Variants in CFAP20DC observed in about 807,000 individuals in gnomAD.
CFAP20DC encodes the protein protein CFAP20DC.
A neutral mutation model predicts 101.7 loss-of-function variants in CFAP20DC; 84 were observed. The ratio of observed to expected loss-of-function variants is 0.83; its 90% CI spans 0.69 to 0.99. The LOEUF is 0.99. Among genes scored for constraint, CFAP20DC ranks in the 50% least tolerant of loss-of-function variants. The probability of loss-of-function intolerance (pLI) is 0.00; values close to 1 mark genes in which losing one functional copy is unlikely to be tolerated. For missense variants in CFAP20DC, 1,007 were observed against 970.3 expected (o/e 1.04, Z -0.50); for synonymous variants, 359 against 351.2 (o/e 1.02, Z -0.25).
At chr3:58,960,396 G>A (rs546219286) in intron 4 of CFAP20DC, among the ~76,000 whole-genome samples, 135 of 151,756 alleles carry the variant, frequency 8.9e-4, no homozygotes, top group African/African-American at 3.2e-3. Flanking sequence ...GGAGGCTGAG[G>A]CAGAAGAATC....
chr3:58,782,602 A>G (rs2071939152), intron 15 of CFAP20DC, among the ~76,000 whole-genome samples: 1 of 152,124 alleles, frequency 6.6e-6, no homozygotes, highest in Non-Finnish European at 1.5e-5. Flanking sequence ...GTCAACATAC[A>G]AATATTAGTA....
intron 6 of CFAP20DC, among the ~76,000 whole-genome samples, chr3:58,910,006 T>C (rs2083986737): frequency 6.6e-6 from 1 of 152,160 alleles, no homozygotes; most frequent in African/African-American, 2.4e-5. Flanking sequence ...ATTCCTGTGC[T>C]AGTTAGCTGA....
intron 13 of CFAP20DC, among the ~76,000 whole-genome samples, chr3:58,838,399 C>G (rs2076883216): frequency 6.6e-6 from 1 of 152,120 alleles, no homozygotes; most frequent in African/African-American, 2.4e-5. Context: ...GCATGCGACC[C>G]TGAAGACATT....
At chr3:58,745,658 TTACTATTAGGGATGA>T (rs2107169884) in intron 16 of CFAP20DC, among the ~76,000 whole-genome samples, 1 of 152,314 alleles carries the variant, frequency 6.6e-6, no homozygotes, top group East Asian at 1.9e-4. Flanking sequence ...TAAATGATAG[TTACTATTAGGGATGA>T]TAATATAATA....
chr3:58,986,733 G>A lies in CFAP20DC; in HGVS notation c.279-48971C>T, dbSNP rs549929792. Among the ~76,000 whole-genome samples, 97 of 152,054 alleles carry A rather than the reference G, an allele frequency of 6.4e-4. 2 individuals carry two copies. In the South Asian group the frequency reaches 0.019, roughly 30 times the overall value. On this transcript the variant is annotated intron_variant, in intron 4 of 16. Coordinates refer to ENST00000482387, the MANE Select transcript of CFAP20DC (RefSeq NM_001394063.1). ...GTTCTATGTCAGTAAAAGCCTTGAC[G>A]TACCCTTTGAATAAAATGCAAAGCT...
intron 15 of CFAP20DC, chr3:58,794,297 G>A: frequency 2.2e-6 from 1 of 451,420 alleles, no homozygotes; most frequent in Non-Finnish European, 4.5e-6. Context: ...AATTGCATCT[G>A]ATTTGTCTTA....
chr3:58,914,439 C>A lies in CFAP20DC; in HGVS notation c.394-575G>T, dbSNP rs186083564. On this transcript the variant is annotated intron_variant, in intron 5 of 16. Transcript: ENST00000482387. The surrounding 1 kb of genome is among the most constrained non-coding windows in gnomAD (Gnocchi z 4.9). ...GTACTCTTGCAGGGACTAATTTCTGCGCATTAAATAATTAGGCCCCTCAAT... is the reference window on the plus strand; with the variant it reads ...GTACTCTTGCAGGGACTAATTTCTGAGCATTAAATAATTAGGCCCCTCAAT... Among the ~76,000 whole-genome samples, 1 of 151,668 alleles carries A rather than the reference C, an allele frequency of 6.6e-6. No homozygotes were observed. The highest frequency in any genetic ancestry group is 1.5e-5 in the Non-Finnish European group (1 of 67,936).
At chr3:58,751,055 G>A (rs1024017743) in intron 16 of CFAP20DC, among the ~76,000 whole-genome samples, 7 of 152,016 alleles carry the variant, frequency 4.6e-5, no homozygotes, top group Middle Eastern at 3.4e-3. Flanking sequence ...AAAAAAGGAC[G>A]AGTTAAAGAG....
chr3:58,879,441 G>T (rs371082243), intron 7 of CFAP20DC, among the ~76,000 whole-genome samples: 6 of 152,288 alleles, frequency 3.9e-5, no homozygotes, highest in African/African-American at 1.2e-4. Context: ...CTACTAAATG[G>T]TAGTTCGGAT....
intron 15 of CFAP20DC, among the ~76,000 whole-genome samples, chr3:58,771,784 A>C (rs74818103): frequency 0.011 from 1,636 of 152,212 alleles, 32 homozygotes; most frequent in African/African-American, 0.038. Flanking sequence ...TACATTTCTT[A>C]ATCACATCCC....
intron 5 of CFAP20DC, among the ~76,000 whole-genome samples, chr3:58,934,303 C>T (rs2087192625): frequency 6.6e-6 from 1 of 152,102 alleles, no homozygotes. Flanking sequence ...GAAAAAGAGT[C>T]CAGGACCAGA....
In CFAP20DC at chr3:58,851,665, GC is replaced by G. The variant is rs1341341197; in HGVS notation, c.1594-2257del. ...GACACTTTTGTAAGCCAGGATGTCA[GC>G]CATTTAGTCCATCCCTAAGAAACTG... On this transcript the variant is annotated intron_variant, in intron 12 of 16. Transcript: ENST00000482387. 2.6e-5 allele frequency among the ~76,000 whole-genome samples: 4 copies of G among 152,180 alleles called. No individual in the cohort carries two copies. In the East Asian group the frequency reaches 5.8e-4, roughly 22 times the overall value.
At chr3:58,990,941 G>T (rs2092918147) in intron 4 of CFAP20DC, among the ~76,000 whole-genome samples, 1 of 151,816 alleles carries the variant, frequency 6.6e-6, no homozygotes, top group Admixed American at 6.6e-5. Context: ...TTTCTTTCCT[G>T]GCTCCATACC....
chr3:59,016,805 C>A (rs905013782), intron 4 of CFAP20DC, among the ~76,000 whole-genome samples: 5 of 152,078 alleles, frequency 3.3e-5, no homozygotes, highest in African/African-American at 1.2e-4. Flanking sequence ...GTTGCTCATG[C>A]AGGAACTACA....
intron 13 of CFAP20DC, among the ~76,000 whole-genome samples, chr3:58,832,433 T>C (rs751558251): frequency 6.6e-6 from 1 of 152,142 alleles, no homozygotes. Context: ...CCAGTTTTTG[T>C]AGATTAAGTA....
At chr3:58,998,252 A>T (rs541138848) in intron 4 of CFAP20DC, among the ~76,000 whole-genome samples, 108 of 152,320 alleles carry the variant, frequency 7.1e-4, no homozygotes, top group Non-Finnish European at 1.1e-3. Context: ...GTAGTAAAAG[A>T]TTAGGAGCAA....
intron 15 of CFAP20DC, among the ~76,000 whole-genome samples, chr3:58,761,786 T>C (rs1267363613): frequency 2.6e-5 from 4 of 152,192 alleles, no homozygotes; most frequent in African/African-American, 7.2e-5. Flanking sequence ...GCCTTCATGT[T>C]GTTATGTATG....
At chr3:58,785,813 C>T (rs1410288339) in intron 15 of CFAP20DC, among the ~76,000 whole-genome samples, 1 of 152,112 alleles carries the variant, frequency 6.6e-6, no homozygotes, top group Non-Finnish European at 1.5e-5. Flanking sequence ...ACTCTCTCTA[C>T]TTTCCCTCTT....
intron 4 of CFAP20DC, among the ~76,000 whole-genome samples, chr3:58,974,354 T>C (rs1004198344): frequency 2.0e-5 from 3 of 152,096 alleles, no homozygotes; most frequent in Admixed American, 6.5e-5. Context: ...TGAGAATATG[T>C]GGTATTTGGT....
Sources: allele counts gnomAD v4.1 joint callset (sites outside exome capture counted in the v4.1 genomes callset), GRCh38; gene constraint gnomAD v4.1.1; non-coding constraint Gnocchi (gnomAD v3.1); transcripts MANE v1.5; gene names NCBI Gene and HGNC (gene_info 2026-07-23, HGNC 2026-07-21).